Variants in GPC5 observed in about 807,000 individuals in gnomAD.
GPC5 encodes the protein glypican-5.
Under a neutral mutation model 53.9 loss-of-function variants are expected in GPC5, and 47 were observed. That is an observed-to-expected ratio of 0.87 (90% confidence interval 0.69 to 1.11). The LOEUF (loss-of-function observed/expected upper bound fraction) is 1.11. Among genes scored for constraint, GPC5 ranks in the 50% most tolerant of loss-of-function variants. GPC5 has a pLI of 0.00. For synonymous variants in GPC5, 286 were observed against 263.3 expected (o/e 1.09, Z -0.84); for missense variants, 748 against 713.1 (o/e 1.05, Z -0.56).
intron 2 of GPC5, among the ~76,000 whole-genome samples, chr13:91,691,239 G>T (rs987525324): frequency 6.6e-6 from 1 of 152,164 alleles, no homozygotes; most frequent in Non-Finnish European, 1.5e-5. Context: ...ATTTGCAACC[G>T]CAATGTTTCA....
chr13:92,417,998 A>G (rs1446592095), intron 7 of GPC5, among the ~76,000 whole-genome samples: 1 of 152,228 alleles, frequency 6.6e-6, no homozygotes, highest in Non-Finnish European at 1.5e-5. Context: ...TAAAGTAGAT[A>G]CTTGCTAAAC....
chr13:92,752,614 G>T (rs568398925), intron 7 of GPC5, among the ~76,000 whole-genome samples: 2 of 152,082 alleles, frequency 1.3e-5, no homozygotes, highest in Non-Finnish European at 2.9e-5. Context: ...GACAGTGGGC[G>T]CAGGTCAGTG....
At chr13:92,767,244 G>C (rs927231078) in intron 7 of GPC5, among the ~76,000 whole-genome samples, 1 of 152,142 alleles carries the variant, frequency 6.6e-6, no homozygotes, top group Admixed American at 6.5e-5. Flanking sequence ...GGCCAAGCAG[G>C]TGGATCACTT....
chr13:91,718,979 G>A (rs1447045619), intron 3 of GPC5, among the ~76,000 whole-genome samples: 1 of 151,996 alleles, frequency 6.6e-6, no homozygotes, highest in Admixed American at 6.5e-5. Context: ...TAAGAAATTA[G>A]AGGGCAAAAT....
chr13:92,070,596 T>C (rs1292934756), intron 6 of GPC5, among the ~76,000 whole-genome samples: 2 of 152,214 alleles, frequency 1.3e-5, no homozygotes, highest in African/African-American at 4.8e-5. Flanking sequence ...TATATCTCCT[T>C]ACTAAACTAA....
At chr13:92,025,359 GT>G (rs1170495819) in intron 6 of GPC5, among the ~76,000 whole-genome samples, 1 of 151,984 alleles carries the variant, frequency 6.6e-6, no homozygotes, top group Non-Finnish European at 1.5e-5. Flanking sequence ...ACACTTCTGT[GT>G]ACACAGAGAA....
intron 7 of GPC5, among the ~76,000 whole-genome samples, chr13:92,348,490 T>C (rs1190463852): frequency 6.6e-6 from 1 of 152,082 alleles, no homozygotes; most frequent in Non-Finnish European, 1.5e-5. Context: ...TAAGAGACTT[T>C]AATATATCAC....
chr13:91,518,920 C>T (rs183363352), intron 2 of GPC5, among the ~76,000 whole-genome samples: 1 of 152,234 alleles, frequency 6.6e-6, no homozygotes, highest in African/African-American at 2.4e-5. Flanking sequence ...AATCTGCAAG[C>T]AGTTCTCACA....
intron 7 of GPC5, among the ~76,000 whole-genome samples, chr13:92,455,112 G>A (rs187378591): frequency 1.7e-4 from 26 of 152,270 alleles, no homozygotes; most frequent in African/African-American, 5.3e-4. Context: ...CACCCAGGAA[G>A]TAGGCTGCAA....
At chr13:92,767,476 GA>G (rs1039918938) in intron 7 of GPC5, among the ~76,000 whole-genome samples, 2 of 151,960 alleles carry the variant, frequency 1.3e-5, no homozygotes, top group Non-Finnish European at 2.9e-5. Flanking sequence ...CCAAAAAAAA[GA>G]AAAAAGAAAA....
intron 5 of GPC5, among the ~76,000 whole-genome samples, chr13:91,851,925 A>C (rs926815898): frequency 6.7e-6 from 1 of 148,828 alleles, no homozygotes; most frequent in East Asian, 2.0e-4. Context: ...GTTGGTTCCA[A>C]GTCTTTGCTA....
At chr13:91,957,780 A>G (rs2040087615) in intron 6 of GPC5, among the ~76,000 whole-genome samples, 1 of 152,116 alleles carries the variant, frequency 6.6e-6, no homozygotes, top group South Asian at 2.1e-4. Flanking sequence ...TAGCCCTATA[A>G]GAAATATTTA....
chr13:91,536,541 T>C (rs1018071566), intron 2 of GPC5, among the ~76,000 whole-genome samples: 1 of 152,070 alleles, frequency 6.6e-6, no homozygotes, highest in Non-Finnish European at 1.5e-5. Context: ...GTACTGGAGG[T>C]TAAAAGTCCA....
In GPC5 at chr13:92,418,289, A is replaced by T. The variant is rs117038346; in HGVS notation, c.1561+273300A>T. Among the ~76,000 whole-genome samples, 469 of 152,296 alleles carry T rather than the reference A, an allele frequency of 3.1e-3. 3 individuals are homozygous for T. The highest frequency in any genetic ancestry group is 0.02 in the Middle Eastern group (6 of 294). On this transcript the variant is annotated intron_variant, in intron 7 of 7. Coordinates refer to ENST00000377067, the MANE Select transcript of GPC5 (RefSeq NM_004466.6). ...CCACTGGAAATCACTGAATACTTCA[A>T]TTGTGAGAATTATATGGTATATGAA...
chr13:92,159,163 T>A (rs892085761), intron 7 of GPC5, among the ~76,000 whole-genome samples: 2 of 152,172 alleles, frequency 1.3e-5, no homozygotes, highest in African/African-American at 4.8e-5. Flanking sequence ...ATCCCTCAAC[T>A]CCCTATAAAT....
At chr13:92,753,119 C>A (rs1421057488) in intron 7 of GPC5, among the ~76,000 whole-genome samples, 3 of 152,182 alleles carry the variant, frequency 2.0e-5, no homozygotes, top group Admixed American at 1.3e-4. Flanking sequence ...CAGTGGTTCT[C>A]CCAGCACTCA....
rs568341910 is a variant in GPC5, at chr13:91,572,051, A to G, written c.326-121136A>G. Among the ~76,000 whole-genome samples, 148 of 46,048 alleles carry G rather than the reference A, an allele frequency of 3.2e-3. 2 individuals are homozygous for G. Among genetic ancestry groups the G allele is most frequent in the African/African-American group, 6.5e-3 (25 of 3,834 alleles). The allele number at this position is 46,048 out of a possible 152,430, so 30.2% of individuals were successfully genotyped here. A position where few individuals can be genotyped will look rare whatever the true frequency, so the allele number is the denominator to read the frequency against. On this transcript the variant is annotated intron_variant, in intron 2 of 7. Coordinates refer to ENST00000377067, the MANE Select transcript of GPC5 (RefSeq NM_004466.6). ...TGTATATATGTGTATATACACACAT[A>G]TGTATATATACATGTATATACACAC...
At chr13:92,543,445 A>C (rs1349022811) in intron 7 of GPC5, among the ~76,000 whole-genome samples, 1 of 151,928 alleles carries the variant, frequency 6.6e-6, no homozygotes. Flanking sequence ...CTGGTGACTT[A>C]AGCATGTAGG....
intron 7 of GPC5, among the ~76,000 whole-genome samples, chr13:92,288,679 G>A (rs149464727): frequency 2.6e-5 from 4 of 152,166 alleles, no homozygotes; most frequent in Non-Finnish European, 5.9e-5. Flanking sequence ...TTTTGGGGAG[G>A]GAGTGATTAT....
Sources: gnomAD v4.1 joint callset for allele counts (sites outside exome capture counted in the v4.1 genomes callset) on GRCh38, gnomAD v4.1.1 for gene constraint, MANE v1.5 for transcripts, NCBI Gene and HGNC (gene_info 2026-07-23, HGNC 2026-07-21) for gene names.